Variants in MYO10 observed in about 807,000 individuals in gnomAD.
The protein encoded by MYO10 is myosin X.
Under a neutral mutation model 257.3 loss-of-function variants are expected in MYO10, and 133 were observed. The ratio of observed to expected loss-of-function variants is 0.52; its 90% CI spans 0.45 to 0.60. The LOEUF (loss-of-function observed/expected upper bound fraction) is 0.60, where lower values mean the gene tolerates loss of function less well. Among genes scored for constraint, MYO10 ranks in the 20% least tolerant of loss-of-function variants. The pLI is 0.00. For synonymous variants in MYO10, 1,104 were observed against 1,028.6 expected (o/e 1.07, Z -1.40); for missense variants, 2,399 against 2,635.7 (o/e 0.91, Z 1.97).
At chr5:16,826,553 A>G (rs1222976737) in intron 2 of MYO10, among the ~76,000 whole-genome samples, 4 of 152,160 alleles carry the variant, frequency 2.6e-5, no homozygotes, top group Non-Finnish European at 4.4e-5. Context: ...GATGAGAGAG[A>G]ACACACTCTC....
chr5:16,885,871 G>C (rs1744883610), intron 1 of MYO10, among the ~76,000 whole-genome samples: 1 of 152,162 alleles, frequency 6.6e-6, no homozygotes, highest in Non-Finnish European at 1.5e-5. Context: ...GCCACCCTCA[G>C]CAGGGGACCT....
At chr5:16,870,942 T>C (rs758680853) in intron 2 of MYO10, among the ~76,000 whole-genome samples, 1 of 152,152 alleles carries the variant, frequency 6.6e-6, no homozygotes, top group African/African-American at 2.4e-5. Flanking sequence ...TATAGACAAA[T>C]TGTCATTTGA....
intron 1 of MYO10, among the ~76,000 whole-genome samples, chr5:16,919,260 T>C (rs1745914058): frequency 6.6e-6 from 1 of 151,978 alleles, no homozygotes; most frequent in African/African-American, 2.4e-5. Context: ...CGCCTGTAAT[T>C]CGAGCTATTC....
chr5:16,676,245 G>A, intron 33 of MYO10, 91 bp from the exon 34 acceptor site: 1 of 1,465,036 alleles, frequency 6.8e-7, no homozygotes, highest in Non-Finnish European at 9.3e-7. Flanking sequence ...CATAAACCTA[G>A]TGGGGCAAAG....
rs33919452 is a variant in MYO10, at chr5:16,679,524, G to GTTTTTTT, written c.4542+416_4542+422dup. Among the ~76,000 whole-genome samples the GTTTTTTT allele has an allele frequency of 4.3e-3, 522 of 122,600 alleles. 11 individuals carry two copies. The highest frequency in any genetic ancestry group is 7.1e-3 in the African/African-American group (221 of 31,060). The allele number at this position is 122,600 out of a possible 152,430, so 80.4% of individuals were successfully genotyped here. ...TTAACCAAGCGCTAGTTTTTTGGGT[G>GTTTTTTT]TTTTTTTTTTTTTTTTTTGAGACGA... On this transcript the variant is annotated intron_variant, in intron 33 of 40. Coordinates refer to ENST00000513610, the MANE Select transcript of MYO10 (RefSeq NM_012334.3).
chr5:16,685,427 G>C (rs1036677488), intron 29 of MYO10, among the ~76,000 whole-genome samples: 1 of 151,906 alleles, frequency 6.6e-6, no homozygotes, highest in African/African-American at 2.4e-5. Flanking sequence ...TCTCAGGTTG[G>C]TCTTGAACTC....
At chr5:16,789,479 T>C (rs559253744) in intron 4 of MYO10, among the ~76,000 whole-genome samples, 1 of 152,342 alleles carries the variant, frequency 6.6e-6, no homozygotes, top group Admixed American at 6.5e-5. Flanking sequence ...GTTTGGAAGC[T>C]GTACCAGAAA....
In MYO10 at chr5:16,701,415, C is replaced by A; in HGVS notation, c.2980G>T (p.Asp994Tyr). The A allele has an allele frequency of 6.2e-7, 1 of 1,614,010 alleles. No homozygotes were observed. Among genetic ancestry groups the A allele is most frequent in the Non-Finnish European group, 8.5e-7 (1 of 1,179,904 alleles). Residue 994 changes from aspartate to tyrosine, a missense_variant, in exon 25 of 41, where the codon GAT becomes TAT. Physicochemically the swap from Asp to Tyr is radical, Grantham distance 160 (BLOSUM62 -3). Transcript: ENST00000513610. The surrounding 1 kb of genome is among the most constrained non-coding windows in gnomAD (Gnocchi z 8.1). ...TCGTCGTCGGCTTCGAAGCCCTCAT[C>A]GACCTCCTCCTCTGGGTAGGGCTGG... ...FSQPYPEEEV[D>Y]EGFEADDDAF...
intron 1 of MYO10, among the ~76,000 whole-genome samples, chr5:16,900,873 G>T (rs1020753638): frequency 4.0e-5 from 6 of 151,502 alleles, no homozygotes; most frequent in African/African-American, 1.2e-4. Flanking sequence ...CCGAGTAGCT[G>T]GGATTACAGG....
intron 1 of MYO10, among the ~76,000 whole-genome samples, chr5:16,917,704 A>AG (rs1745862137): frequency 6.6e-6 from 1 of 151,782 alleles, no homozygotes; most frequent in Non-Finnish European, 1.5e-5. Flanking sequence ...CAAAAAAAAA[A>AG]AGGAAAAAAA....
At chr5:16,761,879 C>T (rs1474276802) in intron 16 of MYO10, among the ~76,000 whole-genome samples, 166 bp downstream of exon 16, 1 of 151,980 alleles carries the variant, frequency 6.6e-6, no homozygotes, top group Admixed American at 6.6e-5. Context: ...TCTCAAACTC[C>T]TGTCCTCAAG....
At chr5:16,894,501 G>A (rs1745166092) in intron 1 of MYO10, among the ~76,000 whole-genome samples, 1 of 152,194 alleles carries the variant, frequency 6.6e-6, no homozygotes, top group Admixed American at 6.5e-5. Flanking sequence ...GAATGTAGAG[G>A]AAAAGCAAAT....
intron 1 of MYO10, among the ~76,000 whole-genome samples, chr5:16,879,126 A>C (rs994747468): frequency 1.3e-5 from 2 of 152,176 alleles, no homozygotes; most frequent in Admixed American, 6.5e-5. Flanking sequence ...CACCAAGCAC[A>C]TCCTTATGAA....
intron 1 of MYO10, among the ~76,000 whole-genome samples, chr5:16,889,957 CCCA>C (rs1745006873): frequency 6.6e-6 from 1 of 151,680 alleles, no homozygotes; most frequent in African/African-American, 2.4e-5. Context: ...TTAATGGAAT[CCCA>C]GTTGTGTTCT....
At chr5:16,780,956 C>T (rs916228668) in intron 6 of MYO10, among the ~76,000 whole-genome samples, 3 of 152,020 alleles carry the variant, frequency 2.0e-5, no homozygotes, top group African/African-American at 7.3e-5. Flanking sequence ...CTGTCAGGTA[C>T]CAAACTAACT....
chr5:16,703,208 G>A, intron 22 of MYO10, 50 bp from the exon 23 acceptor site: 1 of 1,416,668 alleles, frequency 7.1e-7, no homozygotes, highest in Non-Finnish European at 9.7e-7. Context: ...ATGAGGCTTT[G>A]AGCTATTCAA....
chr5:16,830,282 A>AG (rs1347569714), intron 2 of MYO10, among the ~76,000 whole-genome samples: 1 of 152,084 alleles, frequency 6.6e-6, no homozygotes, highest in Non-Finnish European at 1.5e-5. Context: ...TTTATATGTA[A>AG]GGTCAGGAAC....
intron 22 of MYO10, among the ~76,000 whole-genome samples, chr5:16,703,538 G>A (rs547177417): frequency 3.3e-5 from 5 of 152,176 alleles, no homozygotes; most frequent in Non-Finnish European, 2.9e-5. Context: ...AATGTAACAC[G>A]TAGTGTTTCA....
chr5:16,710,703 G>C (rs1229307482), intron 21 of MYO10: 2 of 582,544 alleles, frequency 3.4e-6, no homozygotes, highest in African/African-American at 3.7e-5. Flanking sequence ...TAATGAAACA[G>C]AGTCCCTGAC....
Sources: allele counts gnomAD v4.1 joint callset (sites outside exome capture counted in the v4.1 genomes callset), GRCh38; gene constraint gnomAD v4.1.1; non-coding constraint Gnocchi (gnomAD v3.1); transcripts MANE v1.5; gene names NCBI Gene and HGNC (gene_info 2026-07-23, HGNC 2026-07-21).